The following STARD3NL variants were observed in gnomAD, a reference collection of about 807,000 sequenced individuals.
STARD3NL encodes STARD3 N-terminal like.
Under a neutral mutation model 30.9 loss-of-function variants are expected in STARD3NL, and 17 were observed. That is an observed-to-expected ratio of 0.55 (90% CI 0.38 to 0.82). The LOEUF (loss-of-function observed/expected upper bound fraction) is 0.82, where lower values mean the gene tolerates loss of function less well. STARD3NL is among the 40% of genes least tolerant of loss of function. The pLI is 0.00. For synonymous variants in STARD3NL, 112 were observed against 100.5 expected (o/e 1.11, Z -0.69); for missense variants, 234 against 277.6 (o/e 0.84, Z 1.12).
chr7:38,209,067 T>G (rs1192367279), intron 2 of STARD3NL, among the ~76,000 whole-genome samples: 1 of 152,226 alleles, frequency 6.6e-6, no homozygotes, highest in Non-Finnish European at 1.5e-5. Flanking sequence ...AGTTTCTGTT[T>G]ACAGATTTTT....
chr7:38,222,930 C>T (rs1232239060), intron 7 of STARD3NL, among the ~76,000 whole-genome samples: 17 of 152,066 alleles, frequency 1.1e-4, no homozygotes. Flanking sequence ...TACTCTAGAG[C>T]AAAGCTTTTC....
At chr7:38,207,862 C>T (rs1785582394) in intron 2 of STARD3NL, 133 bp downstream of exon 2, 2 of 831,162 alleles carry the variant, frequency 2.4e-6, no homozygotes, top group Non-Finnish European at 3.7e-6. Flanking sequence ...TTGCTTTTCT[C>T]CTCCTGATTT....
intron 1 of STARD3NL, among the ~76,000 whole-genome samples, chr7:38,198,059 T>C (rs563307996): frequency 1.3e-5 from 2 of 152,370 alleles, no homozygotes; most frequent in Middle Eastern, 6.8e-3. Flanking sequence ...CCTTTGGGAC[T>C]CTCAAATCCC....
At chr7:38,204,691 C>T (rs186598352) in intron 1 of STARD3NL, among the ~76,000 whole-genome samples, 51 of 151,522 alleles carry the variant, frequency 3.4e-4, no homozygotes, top group African/African-American at 1.2e-3. Flanking sequence ...ATCAATGAAT[C>T]CAGGAGCTGG....
At chr7:38,228,098 C>T (rs1392582820) in intron 7 of STARD3NL, among the ~76,000 whole-genome samples, 1 of 152,118 alleles carries the variant, frequency 6.6e-6, no homozygotes, top group Non-Finnish European at 1.5e-5. Context: ...ACAGCGCATG[C>T]ATTTTTCATG....
chr7:38,198,228 C>A (rs1460651837), intron 1 of STARD3NL: 2 of 152,196 alleles, frequency 1.3e-5, no homozygotes, highest in Non-Finnish European at 1.5e-5. Flanking sequence ...CATGTAGGCC[C>A]CACCGTTTTT....
Position 38,194,020 on chromosome 7 carries a change from A to G in STARD3NL, c.-58-13427A>G, listed in dbSNP as rs151278528. The stretch of plus-strand genomic sequence containing the variant: ...TTTTATTTCAAATATTGAAATGCCC[A>G]TAAAACTGTCTGACTCCAGTCCCTT... On this transcript the variant is annotated intron_variant, in intron 1 of 8. Transcript: ENST00000009041. 2.7e-3 allele frequency among the ~76,000 whole-genome samples: 418 copies of G among 152,296 alleles called. 1 individual carries two copies. Among genetic ancestry groups the G allele is most frequent in the African/African-American group, 9.6e-3 (398 of 41,570 alleles).
rs767935016 is a variant in STARD3NL, at chr7:38,216,993, G to A, written c.382-32G>A. ...GTACCTTCACAGTGTGAGATGCCTAGTGTGAACAGTGCTGGATTATGTGTC... is the reference window on the plus strand; with the variant it reads ...GTACCTTCACAGTGTGAGATGCCTAATGTGAACAGTGCTGGATTATGTGTC... On this transcript the variant is annotated intron_variant, in intron 4 of 8. Coordinates refer to ENST00000009041, the MANE Select transcript of STARD3NL (RefSeq NM_032016.4). The A allele has an allele frequency of 2.5e-6, 4 of 1,612,996 alleles. No homozygotes were observed. The Admixed American group carries it at 6.7e-5, about 27-fold the overall frequency.
intron 1 of STARD3NL, among the ~76,000 whole-genome samples, chr7:38,205,145 C>T (rs1230216016): frequency 6.6e-6 from 1 of 152,194 alleles, no homozygotes; most frequent in East Asian, 1.9e-4. Flanking sequence ...ATGAGGCCAG[C>T]ATCATCCTGA....
chr7:38,227,606 T>A (rs868621171), intron 7 of STARD3NL, among the ~76,000 whole-genome samples: 13 of 152,284 alleles, frequency 8.5e-5, no homozygotes, highest in African/African-American at 3.1e-4. Context: ...AGGCTGCAGC[T>A]TTTACGTGTG....
intron 1 of STARD3NL, among the ~76,000 whole-genome samples, chr7:38,202,647 A>C (rs1346823141): frequency 6.6e-6 from 1 of 151,942 alleles, no homozygotes; most frequent in African/African-American, 2.4e-5. Flanking sequence ...ATATGTATAC[A>C]TGTGCCATGT....
At chr7:38,219,356 A>G (rs1188986390) in intron 6 of STARD3NL, among the ~76,000 whole-genome samples, 3 of 152,184 alleles carry the variant, frequency 2.0e-5, no homozygotes, top group Non-Finnish European at 4.4e-5. Context: ...CTCATGAGGC[A>G]CTTATTTAAG....
chr7:38,188,547 A>G (rs368150032), intron 1 of STARD3NL, among the ~76,000 whole-genome samples: 1 of 152,336 alleles, frequency 6.6e-6, no homozygotes, highest in African/African-American at 2.4e-5. Context: ...GGGAGTGCTC[A>G]GAAGGGGACC....
At chr7:38,227,381 C>G (rs1460942048) in intron 7 of STARD3NL, among the ~76,000 whole-genome samples, 3 of 152,176 alleles carry the variant, frequency 2.0e-5, no homozygotes, top group African/African-American at 7.2e-5. Context: ...AAAGTAAAGT[C>G]TTCAACAGTT....
intron 7 of STARD3NL, among the ~76,000 whole-genome samples, chr7:38,227,008 C>G (rs1211889785): frequency 6.6e-6 from 1 of 152,168 alleles, no homozygotes; most frequent in Non-Finnish European, 1.5e-5. Context: ...TTGTTGTGTG[C>G]TTTTGGTCAT....
chr7:38,179,086 A>G (rs1273810299), intron 1 of STARD3NL: 1 of 152,192 alleles, frequency 6.6e-6, no homozygotes, highest in East Asian at 1.9e-4. Context: ...CTTCTATTTC[A>G]CAGATGGAAT....
At chr7:38,211,435 A>T (rs6462818) in intron 2 of STARD3NL, among the ~76,000 whole-genome samples, 77,453 of 151,858 alleles carry the variant, frequency 0.51, 20,536 homozygotes, top group East Asian at 0.63. Flanking sequence ...GGCAGGAGTG[A>T]GTGCTTATGT....
chr7:38,178,908 C>G (rs1254024774), intron 1 of STARD3NL, among the ~76,000 whole-genome samples: 1 of 152,020 alleles, frequency 6.6e-6, no homozygotes, highest in Non-Finnish European at 1.5e-5. Flanking sequence ...GAATGTTCTC[C>G]CTGTGGTTTC....
chr7:38,211,780 C>A (rs1030825627), intron 2 of STARD3NL, among the ~76,000 whole-genome samples: 8 of 152,130 alleles, frequency 5.3e-5, no homozygotes, highest in Admixed American at 3.9e-4. Context: ...TGCTTTCCCC[C>A]TTTTTCATCA....
Sources: allele counts gnomAD v4.1 joint callset (sites outside exome capture counted in the v4.1 genomes callset), GRCh38; gene constraint gnomAD v4.1.1; transcripts MANE v1.5; gene names NCBI Gene and HGNC (gene_info 2026-07-23, HGNC 2026-07-21).